PWP1: variants seen among roughly 807,000 people sequenced by gnomAD.
PWP1 encodes periodic tryptophan protein 1 homolog.
Under a neutral mutation model 69.9 loss-of-function variants are expected in PWP1, and 47 were observed. The ratio of observed to expected loss-of-function variants is 0.67; its 90% confidence interval spans 0.53 to 0.86. The LOEUF (loss-of-function observed/expected upper bound fraction) is 0.86, where lower values mean the gene tolerates loss of function less well. Among genes scored for constraint, PWP1 ranks in the 40% least tolerant of loss-of-function variants. The probability of loss-of-function intolerance (pLI) is 0.00; values close to 1 mark genes in which losing one functional copy is unlikely to be tolerated. For synonymous variants in PWP1, 222 were observed against 208.2 expected, an observed-to-expected ratio of 1.07 and a Z score of -0.57; for missense variants, 551 against 608.8, an observed-to-expected ratio of 0.91 and a Z score of 1.00.
chr12:107,695,634 G>T (rs545192284), intron 5 of PWP1, among the ~76,000 whole-genome samples: 2 of 152,298 alleles, frequency 1.3e-5, no homozygotes, highest in African/African-American at 4.8e-5. Context: ...ATATTAAGGA[G>T]CTGTTGCCAT....
chr12:107,699,690 A>G (rs1260596117), intron 8 of PWP1, among the ~76,000 whole-genome samples: 1 of 152,188 alleles, frequency 6.6e-6, no homozygotes, highest in Non-Finnish European at 1.5e-5. Context: ...CTGGAAAAAA[A>G]CAGGGTGTTT....
Position 107,685,800 on chromosome 12 carries a change from G to C in PWP1, c.-100G>C. The C allele has an allele frequency of 2.3e-6, 3 of 1,302,068 alleles. No individual in the cohort carries two copies. The highest frequency in any genetic ancestry group is 3.3e-6 in the Non-Finnish European group (3 of 915,426). 80.7% of individuals were successfully genotyped at this position (1,302,068 alleles called of 1,614,324 possible). ...CCTGCGCATGCGCTCTGCCCTGGCA[G>C]CGGCCCTGTGCAGATCCCTGAGCGT... On this transcript the variant is annotated 5_prime_UTR_variant, in exon 1 of 15. Coordinates refer to ENST00000412830, the MANE Select transcript of PWP1 (RefSeq NM_007062.3).
chr12:107,697,409 T>G (rs1482406594), intron 6 of PWP1, 58 bp from the exon 7 acceptor site: 2 of 1,499,116 alleles, frequency 1.3e-6, no homozygotes, highest in Non-Finnish European at 1.8e-6. Flanking sequence ...ATGTATTTGA[T>G]TAGAAGTTCT....
intron 14 of PWP1, 101 bp from the exon 15 acceptor site, chr12:107,712,001 CTTTACCATT>C: frequency 1.2e-6 from 1 of 812,908 alleles, no homozygotes; most frequent in Non-Finnish European, 2.0e-6. Context: ...TGGTTACTCA[CTTTACCATT>C]TATAAAGTAC....
chr12:107,709,354 G>C, intron 13 of PWP1, 122 bp downstream of exon 13: 1 of 1,286,270 alleles, frequency 7.8e-7, no homozygotes, highest in Non-Finnish European at 1.1e-6. Context: ...GATGTGTTGG[G>C]GAAGTGAATT....
chr12:107,712,541 C>A lies in PWP1; in HGVS notation c.*321C>A. On this transcript the variant is annotated 3_prime_UTR_variant, in exon 15 of 15. Coordinates refer to ENST00000412830, the MANE Select transcript of PWP1 (RefSeq NM_007062.3). ...GTAGTAATTTATAGAATTTTTAAAG[C>A]GTAAAATCCGGTAATATTAAAAGAT... 1 of 179,252 alleles carries A rather than the reference C, an allele frequency of 5.6e-6. No homozygotes were observed. The highest frequency in any genetic ancestry group is 1.2e-5 in the Non-Finnish European group (1 of 85,220). The allele number at this position is 179,252 out of a possible 1,614,324, so 11.1% of individuals were successfully genotyped here.
intron 11 of PWP1, among the ~76,000 whole-genome samples, chr12:107,707,615 A>T (rs913893660): frequency 3.9e-5 from 6 of 152,190 alleles, no homozygotes; most frequent in Admixed American, 6.5e-5. Flanking sequence ...AGGGCTGTTG[A>T]ATTTTGTCAA....
At chr12:107,711,469 T>A (rs1889951146) in intron 14 of PWP1, among the ~76,000 whole-genome samples, 1 of 152,164 alleles carries the variant, frequency 6.6e-6, no homozygotes, top group Non-Finnish European at 1.5e-5. Flanking sequence ...GAAAGAAATA[T>A]AGCATGGTCT....
chr12:107,703,034 A>G lies in PWP1; in HGVS notation c.903+3A>G. Reference sequence around the variant, plus strand: ...GCCTCGCTGTACACACAGACAAGGTATGGTGATTTAGTTGATCACAGCGGT... The same window carrying G: ...GCCTCGCTGTACACACAGACAAGGTGTGGTGATTTAGTTGATCACAGCGGT... On this transcript the variant is annotated splice_donor_region_variant and intron_variant, in intron 9 of 14. Coordinates refer to ENST00000412830, the MANE Select transcript of PWP1 (RefSeq NM_007062.3). 6.3e-7 allele frequency: 1 copy of G among 1,581,012 alleles called. No homozygotes were observed. The highest frequency in any genetic ancestry group is 1.1e-5 in the South Asian group (1 of 90,264).
At position 107,692,914 on chromosome 12, in the gene PWP1, C is replaced by CT; in HGVS notation, c.405+21dup. ...TGAAAGATACAGTAAGTATTTACATCTTTTTTCTAATTATGCTCTTAAGTG... is the reference window on the plus strand; with the variant it reads ...TGAAAGATACAGTAAGTATTTACATCTTTTTTTCTAATTATGCTCTTAAGTG... On this transcript the variant is annotated intron_variant, in intron 4 of 14. Coordinates refer to ENST00000412830, the MANE Select transcript of PWP1 (RefSeq NM_007062.3). 1.2e-6 allele frequency: 2 copies of CT among 1,613,512 alleles called. No individual in the cohort carries two copies. Among genetic ancestry groups the CT allele is most frequent in the African/African-American group, 1.3e-5 (1 of 74,960 alleles).
intron 8 of PWP1, among the ~76,000 whole-genome samples, chr12:107,700,241 G>T (rs10861767): frequency 0.27 from 40,632 of 152,044 alleles, 5,994 homozygotes; most frequent in East Asian, 0.58. Flanking sequence ...GTGCAGTTCA[G>T]TGGCTTTCAG....
intron 5 of PWP1, 77 bp downstream of exon 5, chr12:107,693,173 T>C: frequency 6.6e-7 from 1 of 1,512,684 alleles, no homozygotes; most frequent in Non-Finnish European, 8.8e-7. Flanking sequence ...CATTTCATTT[T>C]TAGGTGCCAG....
chr12:107,705,581 C>G (rs966132102), intron 11 of PWP1, among the ~76,000 whole-genome samples: 1 of 145,310 alleles, frequency 6.9e-6, no homozygotes, highest in Non-Finnish European at 1.5e-5. Context: ...CAAGTGTTCT[C>G]ATTGTTCAAT....
At chr12:107,705,585 G>C (rs552373727) in intron 11 of PWP1, among the ~76,000 whole-genome samples, 244 of 137,754 alleles carry the variant, frequency 1.8e-3, no homozygotes, top group African/African-American at 6.3e-3. Context: ...TGTTCTCATT[G>C]TTCAATTCCC....
chr12:107,698,623 T>C (rs968196438), intron 7 of PWP1, among the ~76,000 whole-genome samples: 1 of 152,194 alleles, frequency 6.6e-6, no homozygotes, highest in Non-Finnish European at 1.5e-5. Flanking sequence ...TTGCTCTGTC[T>C]CCCAAGACTG....
intron 5 of PWP1, among the ~76,000 whole-genome samples, chr12:107,693,649 C>G (rs370912288): frequency 1.3e-5 from 2 of 152,080 alleles, no homozygotes; most frequent in Non-Finnish European, 2.9e-5. Flanking sequence ...GAGGATTGCT[C>G]GAGCCCATGA....
chr12:107,693,384 C>A (rs1276128359), intron 5 of PWP1, among the ~76,000 whole-genome samples: 1 of 151,892 alleles, frequency 6.6e-6, no homozygotes, highest in Non-Finnish European at 1.5e-5. Flanking sequence ...CTGTGTTGCC[C>A]AGGCTGTCTC....
intron 3 of PWP1, chr12:107,692,551 A>G: frequency 2.8e-6 from 1 of 355,296 alleles, no homozygotes; most frequent in Non-Finnish European, 5.1e-6. Flanking sequence ...ATATTTTCTA[A>G]AAGGGTCTAA....
intron 11 of PWP1, among the ~76,000 whole-genome samples, chr12:107,705,869 G>T (rs1386820477): frequency 6.6e-6 from 1 of 152,128 alleles, no homozygotes. Context: ...ACGTGTGCAT[G>T]TGTCTTTATA....
Sources: allele counts gnomAD v4.1 joint callset (sites outside exome capture counted in the v4.1 genomes callset), GRCh38; gene constraint gnomAD v4.1.1; transcripts MANE v1.5; gene names NCBI Gene and HGNC (gene_info 2026-07-23, HGNC 2026-07-21).